DDHD1: variants seen among roughly 807,000 people sequenced by gnomAD.
The protein encoded by DDHD1 is DDHD domain containing 1, also known as phospholipase DDHD1.
Under a neutral mutation model 96.4 loss-of-function variants are expected in DDHD1, and 49 were observed. That is an observed-to-expected ratio of 0.51 (90% confidence interval 0.40 to 0.64). The LOEUF (loss-of-function observed/expected upper bound fraction) is 0.64. DDHD1 is among the 30% of genes least tolerant of loss of function. The probability of loss-of-function intolerance (pLI) is 0.00; values close to 1 mark genes in which losing one functional copy is unlikely to be tolerated. For synonymous variants in DDHD1, 442 were observed against 446.5 expected (o/e 0.99, Z 0.13); for missense variants, 1,106 against 1,161.2 (o/e 0.95, Z 0.69).
chr14:53,068,243 CTTTT>C (rs55662153), intron 6 of DDHD1, among the ~76,000 whole-genome samples: 3 of 104,478 alleles, frequency 2.9e-5, no homozygotes, highest in Non-Finnish European at 5.3e-5. Flanking sequence ...CTTTATGATA[CTTTT>C]TTTTTTTTTT....
chr14:53,062,082 T>C (rs1595103247), intron 7 of DDHD1, among the ~76,000 whole-genome samples: 1 of 152,060 alleles, frequency 6.6e-6, no homozygotes, highest in East Asian at 1.9e-4. Context: ...ATGCTTTTTT[T>C]TTCTTTTTTT....
chr14:53,122,582 GTT>G (rs56655949), intron 1 of DDHD1, among the ~76,000 whole-genome samples: 16 of 143,836 alleles, frequency 1.1e-4, no homozygotes, highest in African/African-American at 3.1e-4. Context: ...TCTGCTAATA[GTT>G]TTTTTTTTTT....
At chr14:53,126,058 G>A (rs1266823243) in intron 1 of DDHD1, among the ~76,000 whole-genome samples, 3 of 152,200 alleles carry the variant, frequency 2.0e-5, no homozygotes, top group African/African-American at 7.2e-5. Context: ...TGAAGATAGG[G>A]TCCAGAAATA....
At chr14:53,131,892 T>C (rs1889891103) in intron 1 of DDHD1, among the ~76,000 whole-genome samples, 1 of 152,164 alleles carries the variant, frequency 6.6e-6, no homozygotes, top group African/African-American at 2.4e-5. Context: ...TACCTCGGCA[T>C]AATTCTTCAT....
At chr14:53,074,846 T>C (rs1389419849) in intron 4 of DDHD1, among the ~76,000 whole-genome samples, 2 of 152,166 alleles carry the variant, frequency 1.3e-5, no homozygotes, top group Non-Finnish European at 2.9e-5. Flanking sequence ...GCAAGTCTAT[T>C]AGTGCATTTT....
intron 4 of DDHD1, among the ~76,000 whole-genome samples, chr14:53,079,000 G>A (rs1054439618): frequency 4.6e-5 from 7 of 151,670 alleles, no homozygotes; most frequent in Middle Eastern, 3.4e-3. Flanking sequence ...ACATGTGGTG[G>A]ATTACCTTGA....
At chr14:53,065,605 C>T (rs1012431941) in intron 6 of DDHD1, among the ~76,000 whole-genome samples, 6 of 152,124 alleles carry the variant, frequency 3.9e-5, no homozygotes, top group African/African-American at 1.2e-4. Flanking sequence ...CACAACTTTT[C>T]CCCTAACCAT....
chr14:53,072,553 T>G, intron 6 of DDHD1, 44 bp downstream of exon 6: 1 of 1,128,898 alleles, frequency 8.9e-7, no homozygotes, highest in Non-Finnish European at 1.3e-6. Flanking sequence ...ATTTATAAGC[T>G]ATCACTAAAA....
intron 6 of DDHD1, among the ~76,000 whole-genome samples, chr14:53,069,043 A>C (rs1433706767): frequency 1.3e-5 from 2 of 152,082 alleles, no homozygotes; most frequent in Non-Finnish European, 2.9e-5. Context: ...TTTTTCAATG[A>C]TCTATAAATA....
intron 4 of DDHD1, among the ~76,000 whole-genome samples, chr14:53,080,397 C>T (rs751350643): frequency 6.6e-6 from 1 of 152,054 alleles, no homozygotes. Flanking sequence ...TGGTTAAGAG[C>T]CATTTCCTTT....
At chr14:53,054,721 G>T in intron 10 of DDHD1, 92 bp from the exon 11 acceptor site, 1 of 1,253,354 alleles carries the variant, frequency 8.0e-7, no homozygotes. Flanking sequence ...AACTGGCAGA[G>T]GGACCAAACC....
chr14:53,076,608 T>C (rs565838051), intron 4 of DDHD1, among the ~76,000 whole-genome samples: 3 of 152,214 alleles, frequency 2.0e-5, no homozygotes, highest in South Asian at 4.1e-4. Flanking sequence ...AGTTCTACAG[T>C]GGGTAAAACG....
intron 4 of DDHD1, among the ~76,000 whole-genome samples, chr14:53,087,845 A>T (rs1886108616): frequency 6.6e-6 from 1 of 152,140 alleles, no homozygotes; most frequent in South Asian, 2.1e-4. Flanking sequence ...GACACAAAAA[A>T]CCCTTCAAAA....
intron 1 of DDHD1, among the ~76,000 whole-genome samples, chr14:53,115,071 T>G (rs995621138): frequency 6.6e-6 from 1 of 151,888 alleles, no homozygotes; most frequent in Admixed American, 6.6e-5. Flanking sequence ...GAGAACTTCA[T>G]GAAGCATACA....
chr14:53,118,606 T>A (rs1267230420), intron 1 of DDHD1, among the ~76,000 whole-genome samples: 1 of 151,884 alleles, frequency 6.6e-6, no homozygotes, highest in Non-Finnish European at 1.5e-5. Context: ...AAGAGAAGTT[T>A]AGAGAAAAAA....
intron 2 of DDHD1, chr14:53,102,887 CAATT>C: frequency 6.4e-6 from 5 of 781,164 alleles, no homozygotes; most frequent in Non-Finnish European, 6.1e-6. Context: ...GGGAAAAAAT[CAATT>C]AATATTTTAA....
chr14:53,077,821 C>T (rs372749581), intron 4 of DDHD1, among the ~76,000 whole-genome samples: 1 of 152,098 alleles, frequency 6.6e-6, no homozygotes, highest in South Asian at 2.1e-4. Context: ...TTCCCACCTG[C>T]CAGCACCCAC....
At chr14:53,054,029 T>C (rs1234007919) in intron 11 of DDHD1, 2 of 155,972 alleles carry the variant, frequency 1.3e-5, no homozygotes, top group Non-Finnish European at 2.8e-5. Context: ...TAGGATGACT[T>C]TGGTATAGCA....
At chr14:53,070,973 C>T (rs1884461755) in intron 6 of DDHD1, among the ~76,000 whole-genome samples, 2 of 152,130 alleles carry the variant, frequency 1.3e-5, no homozygotes, top group Admixed American at 1.3e-4. Flanking sequence ...GGCAGCAACA[C>T]ATCTGTTTCA....
Sources: gnomAD v4.1 joint callset for allele counts (sites outside exome capture counted in the v4.1 genomes callset) on GRCh38, gnomAD v4.1.1 for gene constraint, MANE v1.5 for transcripts, NCBI Gene and HGNC (gene_info 2026-07-23, HGNC 2026-07-21) for gene names.